CTNNA3: variants seen among roughly 807,000 people sequenced by gnomAD.
The protein encoded by CTNNA3 is catenin alpha 3.
In CTNNA3, 76 loss-of-function variants were observed where a neutral mutation model predicts 95.7. That is an observed-to-expected ratio of 0.79 (90% CI 0.66 to 0.96). CTNNA3 has a LOEUF of 0.96. Among genes scored for constraint, CTNNA3 ranks in the 40% least tolerant of loss-of-function variants. The pLI, the probability that CTNNA3 is intolerant of heterozygous loss-of-function variation, is 0.00. For synonymous variants in CTNNA3, 431 were observed against 374.4 expected, an observed-to-expected ratio of 1.15 and a Z score of -1.74; for missense variants, 1,191 against 1,089.8, an observed-to-expected ratio of 1.09 and a Z score of -1.31.
At chr10:67,479,107 A>G (rs1168310674) in intron 5 of CTNNA3, among the ~76,000 whole-genome samples, 1 of 152,170 alleles carries the variant, frequency 6.6e-6, no homozygotes, top group Non-Finnish European at 1.5e-5. Context: ...TTTATAGAAC[A>G]AGTACTTCTA....
intron 11 of CTNNA3, among the ~76,000 whole-genome samples, chr10:66,474,291 G>GAGTGAGATC (rs1266691553): frequency 6.6e-6 from 1 of 152,028 alleles, no homozygotes; most frequent in Non-Finnish European, 1.5e-5. Context: ...TTTCACATAT[G>GAGTGAGATC]AGTGAGATCA....
intron 5 of CTNNA3, among the ~76,000 whole-genome samples, chr10:67,460,337 T>C (rs987245287): frequency 4.6e-5 from 7 of 152,206 alleles, no homozygotes; most frequent in Non-Finnish European, 1.0e-4. Context: ...AACTGACTAA[T>C]ACTGGTAATA....
At chr10:67,640,317 AAGG>A (rs1178804177) in intron 2 of CTNNA3, among the ~76,000 whole-genome samples, 3 of 152,356 alleles carry the variant, frequency 2.0e-5, no homozygotes, top group Admixed American at 2.0e-4. Context: ...GGATCTCTTC[AAGG>A]AGAACTACAA....
At chr10:66,037,909 T>G (rs1446403975) in intron 15 of CTNNA3, among the ~76,000 whole-genome samples, 1 of 152,190 alleles carries the variant, frequency 6.6e-6, no homozygotes, top group Non-Finnish European at 1.5e-5. Context: ...TGTATCAATT[T>G]ATTAGAAATG....
At chr10:66,636,296 C>G (rs933036717) in intron 9 of CTNNA3, among the ~76,000 whole-genome samples, 1 of 151,928 alleles carries the variant, frequency 6.6e-6, no homozygotes, top group African/African-American at 2.4e-5. Context: ...TAAGCTATTA[C>G]AGGTTTAATC....
Position 66,211,983 on chromosome 10 carries a change from G to GTTTT in CTNNA3, c.1884+68483_1884+68486dup, listed in dbSNP as rs61453326. On this transcript the variant is annotated intron_variant, in intron 13 of 17. Coordinates refer to ENST00000433211, the MANE Select transcript of CTNNA3 (RefSeq NM_013266.4). ...CAGTCATAGCAACTATTGTTTTTGGGTTTTTTTTTTTTTTTTTTTTTTTTG... is the reference window on the plus strand; with the variant it reads ...CAGTCATAGCAACTATTGTTTTTGGGTTTTTTTTTTTTTTTTTTTTTTTTTTTTG... Among the ~76,000 whole-genome samples, 417 of 94,992 alleles carry GTTTT rather than the reference G, an allele frequency of 4.4e-3. 5 individuals carry two copies. The highest frequency in any genetic ancestry group is 6.1e-3 in the Non-Finnish European group (308 of 50,832). The allele number at this position is 94,992 out of a possible 152,430, so 62.3% of individuals were successfully genotyped here. A position where few individuals can be genotyped will look rare whatever the true frequency, so the allele number is the denominator to read the frequency against.
At chr10:67,175,700 A>T (rs962266137) in intron 7 of CTNNA3, among the ~76,000 whole-genome samples, 7 of 152,174 alleles carry the variant, frequency 4.6e-5, no homozygotes, top group Non-Finnish European at 1.0e-4. Context: ...TATCACCTGA[A>T]TATTAACTTT....
intron 9 of CTNNA3, among the ~76,000 whole-genome samples, chr10:66,712,606 T>TCACACACACACACACACACACA (rs879288075): frequency 0.017 from 2,502 of 149,172 alleles, 65 homozygotes; most frequent in East Asian, 0.13. Context: ...TCTCTCTCTC[T>TCACACACACACACACACACACA]CTCACACACA....
chr10:66,336,217 C>T (rs180719957), intron 12 of CTNNA3, among the ~76,000 whole-genome samples: 11 of 152,130 alleles, frequency 7.2e-5, no homozygotes, highest in African/African-American at 2.4e-4. Context: ...GGCTCATGCT[C>T]GGTGCACAGC....
Position 66,520,648 on chromosome 10 carries a change from A to G in CTNNA3, c.1500T>C (p.Ile500=). 1 of 1,610,098 alleles carries G rather than the reference A, an allele frequency of 6.2e-7. No homozygotes were observed. The highest frequency in any genetic ancestry group is 8.5e-7 in the Non-Finnish European group (1 of 1,177,884). Residue 500 remains isoleucine, a synonymous_variant, in exon 11 of 18, where the codon ATT becomes ATC. Coordinates refer to ENST00000433211, the MANE Select transcript of CTNNA3 (RefSeq NM_013266.4). ...CAGCAAGGAAGTCATCAATGCTTGT[A>G]ATGTCATCTACGGCTTCAGTGAGGA... ...IHVLTEAVDD[I]TSIDDFLAVS... is the part of the protein sequence containing the mutation.
intron 12 of CTNNA3, among the ~76,000 whole-genome samples, chr10:66,346,244 TATAGAGAGAGAGAGAG>T (rs1454678933): frequency 5.5e-4 from 5 of 9,036 alleles, no homozygotes; most frequent in South Asian, 5.7e-3. Context: ...TATATATATA[TATAGAGAGAGAGAGAG>T]AGAGAGAGAG....
At chr10:66,051,204 C>T (rs1213944532) in intron 15 of CTNNA3, among the ~76,000 whole-genome samples, 4 of 152,106 alleles carry the variant, frequency 2.6e-5, no homozygotes, top group Non-Finnish European at 4.4e-5. Context: ...TTTATTATTC[C>T]TCTAATTTCT....
At chr10:66,758,473 T>G (rs1839465272) in intron 9 of CTNNA3, among the ~76,000 whole-genome samples, 1 of 152,206 alleles carries the variant, frequency 6.6e-6, no homozygotes, top group Non-Finnish European at 1.5e-5. Context: ...CCAAAGTGCA[T>G]GATCAGGCTG....
At chr10:67,489,028 G>A (rs975962182) in intron 5 of CTNNA3, among the ~76,000 whole-genome samples, 22 of 152,118 alleles carry the variant, frequency 1.4e-4, no homozygotes. Context: ...GAGCCACCAC[G>A]CCCAGATGGA....
At chr10:66,424,134 C>A (rs1333724161) in intron 11 of CTNNA3, among the ~76,000 whole-genome samples, 6 of 151,820 alleles carry the variant, frequency 4.0e-5, no homozygotes, top group African/African-American at 1.5e-4. Context: ...TTCTCAAATT[C>A]TATTTATGCA....
chr10:67,059,177 C>A (rs1053920735), intron 7 of CTNNA3, among the ~76,000 whole-genome samples: 6 of 152,060 alleles, frequency 3.9e-5, no homozygotes, highest in Admixed American at 3.9e-4. Context: ...AACATAACAT[C>A]CACTTTCTAA....
Position 65,919,490 on chromosome 10 carries a change from A to G in CTNNA3, c.*840T>C, listed in dbSNP as rs1354569315. 1 of 152,174 alleles carries G rather than the reference A, an allele frequency of 6.6e-6. No homozygotes were observed. The highest frequency in any genetic ancestry group is 1.5e-5 in the Non-Finnish European group (1 of 68,010). The allele number at this position is 152,174 out of a possible 1,614,324, so 9.4% of individuals were successfully genotyped here. On this transcript the variant is annotated 3_prime_UTR_variant, in exon 18 of 18. Transcript: ENST00000433211. ...GTCATACAGAACTTACACTTCTGTT[A>G]TTATTAATATAACTCACTTTGGGAT...
chr10:66,695,772 T>C (rs1393771938), intron 9 of CTNNA3, among the ~76,000 whole-genome samples: 1 of 152,104 alleles, frequency 6.6e-6, no homozygotes, highest in Non-Finnish European at 1.5e-5. Context: ...TGCTTAAAAA[T>C]TCATGACTAA....
intron 8 of CTNNA3, among the ~76,000 whole-genome samples, chr10:66,771,671 T>C (rs1268040494): frequency 1.3e-5 from 2 of 152,112 alleles, no homozygotes; most frequent in Admixed American, 1.3e-4. Flanking sequence ...TTAACTCATT[T>C]TGGGGGACAA....
Sources: allele counts gnomAD v4.1 joint callset (sites outside exome capture counted in the v4.1 genomes callset), GRCh38; gene constraint gnomAD v4.1.1; transcripts MANE v1.5; gene names NCBI Gene and HGNC (gene_info 2026-07-23, HGNC 2026-07-21).